Variants in IGSF11 observed in about 807,000 individuals in gnomAD.
IGSF11 encodes CXADR like 1.
A neutral mutation model predicts 41.0 loss-of-function variants in IGSF11; 22 were observed. The ratio of observed to expected loss-of-function variants is 0.54; its 90% CI spans 0.38 to 0.77. IGSF11 has a LOEUF of 0.77. IGSF11 is among the 30% of genes least tolerant of loss of function. The probability of loss-of-function intolerance (pLI) is 0.00; values close to 1 mark genes in which losing one functional copy is unlikely to be tolerated. For missense variants in IGSF11, 444 were observed against 530.8 expected (o/e 0.84, Z 1.61); for synonymous variants, 219 against 201.3 (o/e 1.09, Z -0.74).
chr3:119,038,039 A>G (rs1940979257), upstream of IGSF11, among the ~76,000 whole-genome samples: 1 of 152,128 alleles, frequency 6.6e-6, no homozygotes, highest in East Asian at 1.9e-4. Flanking sequence ...TATATATTTT[A>G]ACCCAGCTGC....
intron 1 of IGSF11, among the ~76,000 whole-genome samples, chr3:119,133,531 A>C (rs2077514302): frequency 6.6e-6 from 1 of 152,228 alleles, no homozygotes; most frequent in African/African-American, 2.4e-5. Flanking sequence ...AAGAAGGTGA[A>C]TCTCTGAATA....
At chr3:118,941,428 A>G (rs1295100037) in intron 1 of IGSF11, among the ~76,000 whole-genome samples, 1 of 152,186 alleles carries the variant, frequency 6.6e-6, no homozygotes, top group Non-Finnish European at 1.5e-5. Context: ...TTGAGATAAT[A>G]CAAAACATCA....
At chr3:119,003,133 T>G (rs1183930158) in intron 1 of IGSF11, among the ~76,000 whole-genome samples, 1 of 139,974 alleles carries the variant, frequency 7.1e-6, no homozygotes, top group East Asian at 2.0e-4. Flanking sequence ...TTTGTTTGTA[T>G]CCTCTTTTAT....
intron 1 of IGSF11, among the ~76,000 whole-genome samples, chr3:119,119,777 T>G (rs989222771): frequency 6.6e-6 from 1 of 151,866 alleles, no homozygotes; most frequent in African/African-American, 2.4e-5. Context: ...GGGAGGGGGG[T>G]TATCCTCAGG....
At chr3:119,078,481 A>G (rs2076537860) in intron 1 of IGSF11, among the ~76,000 whole-genome samples, 1 of 152,346 alleles carries the variant, frequency 6.6e-6, no homozygotes, top group Middle Eastern at 3.4e-3. Flanking sequence ...CTCCCTGTCC[A>G]ACAAATGGTG....
At chr3:119,084,627 C>T (rs1326409119) in intron 1 of IGSF11, among the ~76,000 whole-genome samples, 1 of 152,246 alleles carries the variant, frequency 6.6e-6, no homozygotes, top group Non-Finnish European at 1.5e-5. Flanking sequence ...TGGGGCACAT[C>T]TGCCCTGCAG....
intron 1 of IGSF11, among the ~76,000 whole-genome samples, chr3:119,011,687 G>A (rs149147252): frequency 3.0e-4 from 46 of 152,236 alleles, no homozygotes; most frequent in Admixed American, 1.3e-3. Context: ...CCAGACTCAA[G>A]GCGGCCTGAA....
chr3:118,966,518 T>C (rs146607350), intron 1 of IGSF11, among the ~76,000 whole-genome samples: 24 of 152,300 alleles, frequency 1.6e-4, no homozygotes, highest in Middle Eastern at 6.8e-3. Flanking sequence ...ACATCTAGCC[T>C]TTCTGATTTG....
intron 1 of IGSF11, among the ~76,000 whole-genome samples, chr3:119,076,658 A>G (rs906066266): frequency 6.6e-6 from 1 of 152,256 alleles, no homozygotes; most frequent in Non-Finnish European, 1.5e-5. Flanking sequence ...GACATACGAA[A>G]AAATGCTCAT....
intron 1 of IGSF11, among the ~76,000 whole-genome samples, chr3:119,007,685 A>G (rs1937599581): frequency 2.6e-5 from 4 of 152,030 alleles, no homozygotes. Flanking sequence ...GCTTTAACCC[A>G]TCTCCCAACC....
chr3:118,990,868 G>A (rs555745559), intron 1 of IGSF11, among the ~76,000 whole-genome samples: 10 of 152,258 alleles, frequency 6.6e-5, no homozygotes, highest in Non-Finnish European at 1.0e-4. Context: ...GCAAGGGTAT[G>A]TATATATGTG....
At chr3:118,972,538 A>T (rs1354143789) in intron 1 of IGSF11, among the ~76,000 whole-genome samples, 3 of 152,186 alleles carry the variant, frequency 2.0e-5, no homozygotes, top group Non-Finnish European at 4.4e-5. Flanking sequence ...TGAATGGATG[A>T]TTTTGCATAG....
chr3:119,145,654 C>G (rs555102020), intron 1 of IGSF11, among the ~76,000 whole-genome samples: 1 of 152,294 alleles, frequency 6.6e-6, no homozygotes, highest in East Asian at 1.9e-4. Flanking sequence ...CAAGAAAACA[C>G]CTTGGGGCAG....
intron 1 of IGSF11, among the ~76,000 whole-genome samples, chr3:119,113,995 G>A (rs528768444): frequency 2.3e-4 from 35 of 152,324 alleles, no homozygotes; most frequent in Admixed American, 3.9e-4. Context: ...AGACATATCT[G>A]GGGCCCTTTT....
At chr3:119,053,877 A>G (rs1382414839) in intron 1 of IGSF11, among the ~76,000 whole-genome samples, 1 of 152,150 alleles carries the variant, frequency 6.6e-6, no homozygotes, top group Non-Finnish European at 1.5e-5. Flanking sequence ...CTTACAGCCT[A>G]CTGATCTTCA....
At chr3:119,137,468 G>A (rs1307757551) in intron 1 of IGSF11, among the ~76,000 whole-genome samples, 1 of 152,146 alleles carries the variant, frequency 6.6e-6, no homozygotes, top group African/African-American at 2.4e-5. Flanking sequence ...ATACATTGCG[G>A]AAAGGACAGT....
intron 1 of IGSF11, among the ~76,000 whole-genome samples, chr3:119,002,524 G>A (rs1328894996): frequency 1.5e-5 from 2 of 132,546 alleles, no homozygotes; most frequent in African/African-American, 3.3e-5. Context: ...TGCTTTTGGT[G>A]TTTTGGACAT....
intron 1 of IGSF11, among the ~76,000 whole-genome samples, chr3:118,979,611 T>C (rs992546152): frequency 2.0e-5 from 3 of 152,156 alleles, no homozygotes; most frequent in Non-Finnish European, 4.4e-5. Flanking sequence ...CTTCAGGACA[T>C]TGGTGTAGGC....
chr3:118,950,424 C>T (rs191544074), intron 1 of IGSF11, among the ~76,000 whole-genome samples: 30 of 152,066 alleles, frequency 2.0e-4, no homozygotes, highest in Admixed American at 1.5e-3. Context: ...ATTGCCACGA[C>T]GAGATACAAC....
Sources: allele counts gnomAD v4.1 joint callset (sites outside exome capture counted in the v4.1 genomes callset), GRCh38; gene constraint gnomAD v4.1.1; transcripts MANE v1.5; gene names NCBI Gene and HGNC (gene_info 2026-07-23, HGNC 2026-07-21).